The following CD44 variants were observed in gnomAD, a reference collection of about 807,000 sequenced individuals.
CD44 encodes CD44 molecule (IN blood group).
Under a neutral mutation model 88.8 loss-of-function variants are expected in CD44, and 49 were observed. The ratio of observed to expected loss-of-function variants is 0.55; its 90% confidence interval spans 0.44 to 0.70. CD44 has a LOEUF of 0.70. Among genes scored for constraint, CD44 ranks in the 30% least tolerant of loss-of-function variants. The pLI is 0.00. For synonymous variants in CD44, 325 were observed against 312.3 expected, an observed-to-expected ratio of 1.04 and a Z score of -0.43; for missense variants, 883 against 913.8, an observed-to-expected ratio of 0.97 and a Z score of 0.43.
Position 35,158,509 on chromosome 11 carries a change from G to A in CD44, c.68-18066G>A, listed in dbSNP as rs149645224. Among the ~76,000 whole-genome samples the A allele has an allele frequency of 1.7e-3, 266 of 152,260 alleles. 1 individual carries two copies. Among genetic ancestry groups the A allele is most frequent in the African/African-American group, 6.1e-3 (252 of 41,550 alleles). ...GGCTTAGAGTTGTGTAAGGACTGAC[G>A]CGATCACAGACTTGAAACCCTTGAT... is the stretch of plus-strand genomic sequence containing the variant. On this transcript the variant is annotated intron_variant, in intron 1 of 17. Coordinates refer to ENST00000428726, the MANE Select transcript of CD44 (RefSeq NM_000610.4).
chr11:35,219,165 T>C, intron 15 of CD44, 151 bp from the exon 16 acceptor site: 1 of 626,812 alleles, frequency 1.6e-6, no homozygotes, highest in Non-Finnish European at 2.9e-6. Context: ...GGAAATCTTT[T>C]GTGTAATGCT....
At chr11:35,201,902 T>C in intron 9 of CD44, 115 bp downstream of exon 9, 2 of 1,100,182 alleles carry the variant, frequency 1.8e-6, no homozygotes, top group Non-Finnish European at 2.6e-6. Flanking sequence ...CTCGGTAATT[T>C]CTTTTATTCT....
At chr11:35,208,354 T>C in intron 12 of CD44, 148 bp downstream of exon 12, 1 of 628,406 alleles carries the variant, frequency 1.6e-6, no homozygotes, top group Middle Eastern at 2.5e-4. Context: ...TCATTGTCTG[T>C]ATTTCTTGTG....
At chr11:35,189,168 T>A (rs1237903944) in intron 4 of CD44, among the ~76,000 whole-genome samples, 2 of 152,190 alleles carry the variant, frequency 1.3e-5, no homozygotes, top group Non-Finnish European at 2.9e-5. Flanking sequence ...CAGATGTTGA[T>A]CTTCATGTAT....
At chr11:35,222,894 T>A in intron 17 of CD44, 1 of 985,376 alleles carries the variant, frequency 1.0e-6, no homozygotes, top group Non-Finnish European at 1.2e-6. Context: ...AAAATGCCCC[T>A]CAGTCTGGGA....
At position 35,201,199 on chromosome 11, in the gene CD44, A is replaced by C; in HGVS notation, c.1036+4A>C. ...CAGACAACCACAAGGATGACTGGTA[A>C]TGGGTTCTGCATATTTAATGAAAGA... On this transcript the variant is annotated splice_donor_region_variant and intron_variant, in intron 8 of 17. Transcript: ENST00000428726. 1 of 1,586,348 alleles carries C rather than the reference A, an allele frequency of 6.3e-7. No homozygotes were observed. Among genetic ancestry groups the C allele is most frequent in the Non-Finnish European group, 8.7e-7 (1 of 1,154,628 alleles).
chr11:35,226,388 T>C (rs1565167518), intron 17 of CD44, among the ~76,000 whole-genome samples: 1 of 152,172 alleles, frequency 6.6e-6, no homozygotes, highest in Non-Finnish European at 1.5e-5. Flanking sequence ...ACTAGACAAC[T>C]TTCCTCCAAA....
chr11:35,182,398 A>G (rs1945236446), intron 3 of CD44, among the ~76,000 whole-genome samples: 1 of 152,090 alleles, frequency 6.6e-6, no homozygotes, highest in South Asian at 2.1e-4. Context: ...AAAAATTTAC[A>G]GGTCACTGAA....
chr11:35,225,654 T>C (rs917412105), intron 17 of CD44, among the ~76,000 whole-genome samples: 6 of 152,016 alleles, frequency 3.9e-5, no homozygotes, highest in Non-Finnish European at 5.9e-5. Flanking sequence ...CTACCTCTAC[T>C]AAAAACACAA....
At chr11:35,181,709 TATAA>T (rs1477455999) in intron 3 of CD44, among the ~76,000 whole-genome samples, 2 of 135,534 alleles carry the variant, frequency 1.5e-5, no homozygotes, top group Non-Finnish European at 3.1e-5. Flanking sequence ...TATATATATT[TATAA>T]ATATTTATTT....
chr11:35,178,664 C>T (rs765995145), intron 2 of CD44, among the ~76,000 whole-genome samples: 30 of 152,184 alleles, frequency 2.0e-4, no homozygotes, highest in South Asian at 1.2e-3. Context: ...CCCATAAAAC[C>T]GGTAGGCAAC....
At chr11:35,221,887 C>T (rs55927167) in intron 17 of CD44, among the ~76,000 whole-genome samples, 155 bp downstream of exon 17, 1 of 152,166 alleles carries the variant, frequency 6.6e-6, no homozygotes, top group Non-Finnish European at 1.5e-5. Context: ...AACCCCAGAC[C>T]TCCTATGGCA....
At chr11:35,205,226 A>C (rs1947715447) in intron 10 of CD44, among the ~76,000 whole-genome samples, 1 of 152,206 alleles carries the variant, frequency 6.6e-6, no homozygotes, top group South Asian at 2.1e-4. Flanking sequence ...CATCATCTCT[A>C]AGTGATACCA....
chr11:35,144,085 T>A (rs368413894), intron 1 of CD44, among the ~76,000 whole-genome samples: 19 of 152,154 alleles, frequency 1.2e-4, no homozygotes, highest in African/African-American at 3.6e-4. Flanking sequence ...CTAGGTGACA[T>A]GTGGCCACCC....
intron 2 of CD44, among the ~76,000 whole-genome samples, chr11:35,177,641 G>A (rs1591071274): frequency 6.6e-6 from 1 of 152,146 alleles, no homozygotes; most frequent in East Asian, 1.9e-4. Flanking sequence ...AGAACTCTAC[G>A]GAAACCATGA....
At chr11:35,141,915 G>A (rs2785171) in intron 1 of CD44, among the ~76,000 whole-genome samples, 97,227 of 151,890 alleles carry the variant, frequency 0.64, 31,464 homozygotes, top group South Asian at 0.77. Context: ...CCCATTCTGG[G>A]GAGTGGTGGA....
chr11:35,209,760 TA>T (rs1565138085), intron 12 of CD44, among the ~76,000 whole-genome samples: 1 of 152,204 alleles, frequency 6.6e-6, no homozygotes, highest in East Asian at 1.9e-4. Flanking sequence ...TACTGAGAAA[TA>T]AAGGGTCTTC....
intron 17 of CD44, among the ~76,000 whole-genome samples, chr11:35,226,384 C>A (rs1949689804): frequency 6.6e-6 from 1 of 152,188 alleles, no homozygotes; most frequent in Admixed American, 6.5e-5. Context: ...TTTAACTAGA[C>A]AACTTTCCTC....
chr11:35,156,575 T>C (rs1350178445), intron 1 of CD44, among the ~76,000 whole-genome samples: 1 of 152,216 alleles, frequency 6.6e-6, no homozygotes, highest in African/African-American at 2.4e-5. Context: ...ACTGGCCGGC[T>C]GGTTCCTAAT....
Sources: allele counts gnomAD v4.1 joint callset (sites outside exome capture counted in the v4.1 genomes callset), GRCh38; gene constraint gnomAD v4.1.1; transcripts MANE v1.5; gene names NCBI Gene and HGNC (gene_info 2026-07-23, HGNC 2026-07-21).